CACNA1I: variants seen among roughly 807,000 people sequenced by gnomAD.
CACNA1I encodes the protein voltage-dependent T-type calcium channel subunit alpha-1I.
Under a neutral mutation model 201.6 loss-of-function variants are expected in CACNA1I, and 74 were observed. The observed-to-expected ratio is 0.37, with a 90% CI of 0.30 to 0.45. CACNA1I has a LOEUF of 0.45. Ranked by LOEUF, CACNA1I falls within the 20% of genes least tolerant of loss-of-function variation. The pLI is 1.00. For synonymous variants in CACNA1I, 1,431 were observed against 1,345.2 expected (o/e 1.06, Z -1.40); for missense variants, 2,346 against 3,138.1 (o/e 0.75, Z 6.03).
At chr22:39,574,765 G>A (rs1383896659) in intron 1 of CACNA1I, among the ~76,000 whole-genome samples, 1 of 152,220 alleles carries the variant, frequency 6.6e-6, no homozygotes, top group Non-Finnish European at 1.5e-5. Context: ...AACCCAAAGG[G>A]GTGGTGGGTG....
At chr22:39,682,085 G>A (rs1378690619) in intron 34 of CACNA1I, among the ~76,000 whole-genome samples, 2 of 152,156 alleles carry the variant, frequency 1.3e-5, no homozygotes, top group Admixed American at 6.5e-5. Flanking sequence ...CTGCAGGGCT[G>A]AGGAATGTGG....
At chr22:39,576,769 G>A (rs1255161012) in intron 1 of CACNA1I, among the ~76,000 whole-genome samples, 1 of 152,190 alleles carries the variant, frequency 6.6e-6, no homozygotes, top group East Asian at 1.9e-4. Flanking sequence ...GGAAGGGGCT[G>A]TCCAGGGCAC....
At chr22:39,591,018 A>AATT (rs1233470550) in intron 1 of CACNA1I, among the ~76,000 whole-genome samples, 14 of 147,092 alleles carry the variant, frequency 9.5e-5, no homozygotes, top group Admixed American at 8.1e-4. Flanking sequence ...TAATTAAAAA[A>AATT]TTTTTTTTTT....
intron 6 of CACNA1I, 76 bp downstream of exon 6, chr22:39,641,258 G>T: frequency 7.7e-7 from 1 of 1,303,628 alleles, no homozygotes; most frequent in South Asian, 1.3e-5. Flanking sequence ...CTCTGTGCTA[G>T]GCATTTGCCA....
rs548166993 is a variant in CACNA1I at position 39,656,530 on chromosome 22, A to G, written c.1993-1622A>G. On this transcript the variant is annotated intron_variant, in intron 10 of 36. Coordinates refer to ENST00000402142, the MANE Select transcript of CACNA1I (RefSeq NM_021096.4). The stretch of plus-strand genomic sequence containing the variant: ...ACTTGGTTTACTGGGCTTTGGCCCC[A>G]GAGCACGAGCTTCTCAAAGGCAGGG... 78 of 511,068 alleles carry G rather than the reference A, an allele frequency of 1.5e-4. 1 individual carries two copies. In the East Asian group the frequency reaches 4.2e-3, roughly 27 times the overall value. 31.7% of individuals were successfully genotyped at this position (511,068 alleles called of 1,614,324 possible).
At chr22:39,571,031 G>A (rs772384934) in intron 1 of CACNA1I, 43 bp downstream of exon 1, 2 of 1,518,410 alleles carry the variant, frequency 1.3e-6, no homozygotes, top group South Asian at 2.2e-5. Context: ...TGCAGGGGCT[G>A]AAGGGTGGGG....
Position 39,646,710 on chromosome 22 carries a change from C to T in CACNA1I, c.1291C>T (p.Pro431Ser), listed in dbSNP as rs1489978770. 2 of 1,596,486 alleles carry T rather than the reference C, an allele frequency of 1.3e-6. No homozygotes were observed. The highest frequency in any genetic ancestry group is 1.7e-6 in the Non-Finnish European group (2 of 1,171,832). Residue 431 changes from proline to serine, a missense_variant, in exon 8 of 37, where the codon CCT becomes TCT. Physicochemically the swap from Pro to Ser is moderately conservative, Grantham distance 74. Around this residue, in one of 13 missense-constraint regions of CACNA1I, gnomAD observed 312 missense variants for 331.5 expected, o/e 0.94. Transcript: ENST00000402142. ...CAGCACGGTGGCCAGCTACGCCGAG[C>T]CTGGCGACTGCTACGAGGAGATCTT... Reference protein sequence around the residue: ...SSSTVASYAEPGDCYEEIFQY... With the variant: ...SSSTVASYAESGDCYEEIFQY...
At position 39,684,246 on chromosome 22, in the gene CACNA1I, G is replaced by T; in HGVS notation, c.5831-56G>T. The T allele has an allele frequency of 6.6e-7, 1 of 1,524,162 alleles. No homozygotes were observed. The allele number at this position is 1,524,162 out of a possible 1,614,324, so 94.4% of individuals were successfully genotyped here. A position where few individuals can be genotyped will look rare whatever the true frequency, so the allele number is the denominator to read the frequency against. The stretch of plus-strand genomic sequence containing the variant: ...TTGGTGCTCAATGCCACCTTCCAGG[G>T]GCTGCCCCCTGGCCTGAGCGTGCTC... On this transcript the variant is annotated intron_variant, in intron 35 of 36. Transcript: ENST00000402142. The surrounding 1 kb of genome is among the most constrained non-coding windows in gnomAD (Gnocchi z 4.6).
Position 39,649,821 on chromosome 22 carries a change from C to G in CACNA1I, c.1888C>G (p.Arg630Gly). The G allele has an allele frequency of 6.2e-7, 1 of 1,612,292 alleles. No individual in the cohort carries two copies. The highest frequency in any genetic ancestry group is 8.5e-7 in the Non-Finnish European group (1 of 1,179,432). ...WLCGDVWRET[R>G]AKLRGIVDSK... ...GTGCGGGGATGTGTGGCGGGAGACGCGAGCCAAGCTGCGCGGCATCGTGGA... is the reference window on the plus strand; with the variant it reads ...GTGCGGGGATGTGTGGCGGGAGACGGGAGCCAAGCTGCGCGGCATCGTGGA... The change falls in exon 10 of 37, where the codon CGA (arginine) becomes GGA (glycine). Residue 630 changes from arginine (R) to glycine (G), a missense_variant. Arg to Gly is a moderately radical substitution (Grantham distance 125). This residue lies in a region of CACNA1I where 312 missense variants were observed against 331.5 expected (regional missense o/e 0.94). Transcript: ENST00000402142. This position sits in a 1 kb window ranked among gnomAD's most constrained non-coding sequence, Gnocchi z 7.3.
At chr22:39,655,757 G>A (rs1373066860) in intron 10 of CACNA1I, among the ~76,000 whole-genome samples, 1 of 152,134 alleles carries the variant, frequency 6.6e-6, no homozygotes, top group African/African-American at 2.4e-5. Flanking sequence ...ATATTCGTCT[G>A]TGTGTCTCTG....
chr22:39,615,396 C>T (rs1004462784), intron 3 of CACNA1I, among the ~76,000 whole-genome samples: 1 of 152,046 alleles, frequency 6.6e-6, no homozygotes, highest in Non-Finnish European at 1.5e-5. Flanking sequence ...TGAGGAAGGG[C>T]TGTAGGGGAG....
At chr22:39,647,205 C>G (rs926173643) in intron 8 of CACNA1I, among the ~76,000 whole-genome samples, 3 of 152,206 alleles carry the variant, frequency 2.0e-5, no homozygotes, top group Admixed American at 2.0e-4. Flanking sequence ...TGTCTCTCCT[C>G]AGTCTCGGAA....
intron 5 of CACNA1I, among the ~76,000 whole-genome samples, chr22:39,635,457 T>G (rs1273498177): frequency 6.6e-6 from 1 of 151,978 alleles, no homozygotes; most frequent in Non-Finnish European, 1.5e-5. Flanking sequence ...GTAGGAAGCG[T>G]GGGGACGTGG....
intron 5 of CACNA1I, among the ~76,000 whole-genome samples, chr22:39,639,166 CTGTT>C (rs1412491739): frequency 6.6e-6 from 1 of 152,184 alleles, no homozygotes; most frequent in Non-Finnish European, 1.5e-5. Flanking sequence ...TTTCCTATAA[CTGTT>C]TGCAGATTAC....
intron 8 of CACNA1I, 76 bp downstream of exon 8, chr22:39,646,957 G>T: frequency 7.0e-7 from 1 of 1,437,786 alleles, no homozygotes; most frequent in Non-Finnish European, 9.1e-7. Context: ...CGTCCAGCAG[G>T]CCCAGCAGCC....
At chr22:39,674,705 C>A (rs572964495) in intron 29 of CACNA1I, among the ~76,000 whole-genome samples, 19 of 151,912 alleles carry the variant, frequency 1.3e-4, no homozygotes, top group African/African-American at 4.6e-4. Flanking sequence ...CCTTCCCCCT[C>A]CCCTCAGGGT....
At chr22:39,645,123 A>T (rs961769629) in intron 7 of CACNA1I, among the ~76,000 whole-genome samples, 5 of 151,834 alleles carry the variant, frequency 3.3e-5, no homozygotes, top group African/African-American at 9.7e-5. Flanking sequence ...AGTAGCTGGG[A>T]TTACAGGCAT....
intron 4 of CACNA1I, among the ~76,000 whole-genome samples, chr22:39,628,928 TG>T (rs1296248816): frequency 6.6e-6 from 1 of 152,074 alleles, no homozygotes; most frequent in African/African-American, 2.4e-5. Context: ...TGGACTGATC[TG>T]GGCTGACAGC....
rs1191192508 is a variant in CACNA1I, at chr22:39,646,677, C to T, written c.1258C>T (p.Leu420=). 2.5e-6 allele frequency: 4 copies of T among 1,584,968 alleles called. No individual in the cohort carries two copies. The highest frequency in any genetic ancestry group is 3.4e-6 in the Non-Finnish European group (4 of 1,166,112). ...RLMLEQRQRY[L]SSSTVASYAE... ...GATGCTGGAGCAGCGGCAGCGCTACCTGTCCTCCAGCACGGTGGCCAGCTA... is the reference window on the plus strand; with the variant it reads ...GATGCTGGAGCAGCGGCAGCGCTACTTGTCCTCCAGCACGGTGGCCAGCTA... The change falls in exon 8 of 37, where the codon CTG becomes TTG. Residue 420 remains leucine (L), a synonymous_variant. Coordinates refer to ENST00000402142, the MANE Select transcript of CACNA1I (RefSeq NM_021096.4).
Sources: gnomAD v4.1 joint callset for allele counts (sites outside exome capture counted in the v4.1 genomes callset) on GRCh38, gnomAD v4.1.1 for gene constraint, gnomAD v4.1.1 regional missense constraint, Gnocchi (gnomAD v3.1) non-coding constraint, MANE v1.5 for transcripts, NCBI Gene and HGNC (gene_info 2026-07-23, HGNC 2026-07-21) for gene names.